UBQLN3: variants seen among roughly 807,000 people sequenced by gnomAD.
The protein encoded by UBQLN3 is ubiquilin 3.
In UBQLN3, 1 loss-of-function variant was observed where a neutral mutation model predicts 2.9. The ratio of observed to expected loss-of-function variants is 0.35; its 90% CI spans 0.12 to 1.66. The LOEUF (loss-of-function observed/expected upper bound fraction) is 1.66. Among genes scored for constraint, UBQLN3 ranks in the 40% most tolerant of loss-of-function variants. UBQLN3 has a pLI of 0.35. For missense variants in UBQLN3, 924 were observed against 816.5 expected (o/e 1.13, Z -1.61); for synonymous variants, 358 against 317.6 (o/e 1.13, Z -1.35).
chr11:5,509,117 G>A lies in UBQLN3; in HGVS notation c.442C>T (p.Arg148Cys), dbSNP rs769845550. 27 of 1,614,056 alleles carry A rather than the reference G, an allele frequency of 1.7e-5. No individual in the cohort carries two copies. Among genetic ancestry groups the A allele is most frequent in the African/African-American group, 2.7e-5 (2 of 74,938 alleles). ...TGLSRLGLAY[R>C]GFPDQPSSLM... ...GAGCTTGGCTGGTCAGGGAAGCCAC[G>A]ATAGGCCAAGCCCAGCCTACTGAGG... The change falls in exon 2 of 2, where the codon CGT (arginine) becomes TGT (cysteine). Residue 148 changes from arginine (R) to cysteine (C), a missense_variant. Transcript: ENST00000311659.
chr11:5,507,846 A>T lies in UBQLN3; in HGVS notation c.1713T>A (p.Pro571=). ...ACACCTCAGGAGGTGGATTTGGGAG[A>T]GGATCCTCAGACATAAGGGGATCTT... ...SREDPLMSED[P]LPNPPPEVFP... is the part of the protein sequence containing the mutation. Residue 571 remains proline (P), a synonymous_variant, in exon 2 of 2, where the codon CCT becomes CCA. Coordinates refer to ENST00000311659, the MANE Select transcript of UBQLN3 (RefSeq NM_017481.4). 1 of 1,613,886 alleles carries T rather than the reference A, an allele frequency of 6.2e-7. No individual in the cohort carries two copies. The highest frequency in any genetic ancestry group is 1.1e-5 in the South Asian group (1 of 91,080).
At position 5,507,784 on chromosome 11, in the gene UBQLN3, G is replaced by C; in HGVS notation, c.1775C>G (p.Ser592Cys). Residue 592 changes from serine to cysteine, a missense_variant, in exon 2 of 2, where the codon TCC becomes TGC. By Grantham distance (112) the Ser-to-Cys change is moderately radical (BLOSUM62 -1). Transcript: ENST00000311659. ...ALDSAELGFLSPPFLHMLQDL... is the reference protein window; with the variant it reads ...ALDSAELGFLCPPFLHMLQDL... Reference sequence around the variant, plus strand: ...TTGCAGCATATGGAGAAAGGGAGGGGAAAGGAAGCCCAGCTCTGCAGAGTC... The same window carrying C: ...TTGCAGCATATGGAGAAAGGGAGGGCAAAGGAAGCCCAGCTCTGCAGAGTC... The C allele has an allele frequency of 6.2e-7, 1 of 1,614,062 alleles. No individual in the cohort carries two copies. The highest frequency in any genetic ancestry group is 1.3e-5 in the African/African-American group (1 of 75,032).
At position 5,507,698 on chromosome 11, in the gene UBQLN3, C is replaced by T; in HGVS notation, c.1861G>A (p.Glu621Lys). 6.2e-7 allele frequency: 1 copy of T among 1,614,064 alleles called. No homozygotes were observed. Among genetic ancestry groups the T allele is most frequent in the Non-Finnish European group, 8.5e-7 (1 of 1,180,000 alleles). Reference protein sequence around the residue: ...QPEAHFQVQLEQLRSMGFLNR... With the variant: ...QPEAHFQVQLKQLRSMGFLNR... ...AGAAAGCCCATGGACCGCAGTTGCT[C>T]CAGCTGCACCTGAAAGTGAGCCTCA... The change falls in exon 2 of 2, where the codon GAG becomes AAG. Residue 621 changes from glutamate (E) to lysine (K), a missense_variant. Glu to Lys is a moderately conservative substitution (Grantham distance 56). Coordinates refer to ENST00000311659, the MANE Select transcript of UBQLN3 (RefSeq NM_017481.4).
chr11:5,507,508 G>T lies in UBQLN3; in HGVS notation c.*83C>A, dbSNP rs1012526009. The T allele has an allele frequency of 2.0e-6, 3 of 1,515,074 alleles. No homozygotes were observed. The highest frequency in any genetic ancestry group is 2.6e-6 in the Non-Finnish European group (3 of 1,132,936). 93.9% of individuals were successfully genotyped at this position (1,515,074 alleles called of 1,614,324 possible). A position where few individuals can be genotyped will look rare whatever the true frequency, so the allele number is the denominator to read the frequency against. On this transcript the variant is annotated 3_prime_UTR_variant, in exon 2 of 2. Coordinates refer to ENST00000311659, the MANE Select transcript of UBQLN3 (RefSeq NM_017481.4). Reference sequence around the variant, plus strand: ...AGTAAATTTGGTTTATAATGCAGCTGTATTCAAAAATGGGAGAGCTAGGGA... The same window carrying T: ...AGTAAATTTGGTTTATAATGCAGCTTTATTCAAAAATGGGAGAGCTAGGGA...
rs2133824604 is a variant in UBQLN3 at position 5,507,954 on chromosome 11, AG to A, written c.1604del (p.Ala535ValfsTer15). On this transcript the variant is annotated frameshift_variant, in exon 2 of 2. Transcript: ENST00000311659. LOFTEE classifies it low-confidence loss of function (END_TRUNC). ...AGAGTAGGAGGCGAGGTGCTTCAGT[AG>A]CTAGGACCTGTAGACCCTGCTCAAT... is the stretch of plus-strand genomic sequence containing the variant. Reference protein sequence around the residue: ...RQIEQGLQVLATEAPRLLLWF... With the variant: ...RQIEQGLQVLXTEAPRLLLWF... 6.2e-7 allele frequency: 1 copy of A among 1,613,986 alleles called. No individual in the cohort carries two copies. The highest frequency in any genetic ancestry group is 2.2e-5 in the East Asian group (1 of 44,858).
chr11:5,508,839 C>T lies in UBQLN3; in HGVS notation c.720G>A (p.Val240=), dbSNP rs555056278. 1.2e-6 allele frequency: 2 copies of T among 1,614,194 alleles called. No individual in the cohort carries two copies. Among genetic ancestry groups the T allele is most frequent in the Non-Finnish European group, 1.7e-6 (2 of 1,180,048 alleles). Residue 240 remains valine, a synonymous_variant, in exon 2 of 2, where the codon GTG becomes GTA. Coordinates refer to ENST00000311659, the MANE Select transcript of UBQLN3 (RefSeq NM_017481.4). The surrounding 1 kb of genome is among the most constrained non-coding windows in gnomAD (Gnocchi z 4.2). ...MQEMIRSQDR[V]LSNLESIPGG... is the part of the protein sequence containing the mutation. ...CAGGAATGCTCTCCAAGTTACTGAG[C>T]ACCCGGTCCTGGCTACGTATCATCT...
At position 5,507,636 on chromosome 11, in the gene UBQLN3, C is replaced by T. The variant is rs146055311; in HGVS notation, c.1923G>A (p.Thr641=). Residue 641 remains threonine (T), a synonymous_variant, in exon 2 of 2, where the codon ACG becomes ACA. Coordinates refer to ENST00000311659, the MANE Select transcript of UBQLN3 (RefSeq NM_017481.4). ...CCACAGCAGCATCCACGTCGCCCCC[C>T]GTAGCAATGAGGGCCTGAAGATTGG... ...REANLQALIA[T]GGDVDAAVEK... The T allele has an allele frequency of 2.8e-5, 45 of 1,613,582 alleles. No homozygotes were observed. The highest frequency in any genetic ancestry group is 2.7e-4 in the African/African-American group (20 of 75,048).
At position 5,508,134 on chromosome 11, in the gene UBQLN3, G is replaced by A. The variant is rs750669483; in HGVS notation, c.1425C>T (p.Pro475=). Residue 475 remains proline, a synonymous_variant, in exon 2 of 2, where the codon CCC becomes CCT. Transcript: ENST00000311659. The surrounding 1 kb of genome is among the most constrained non-coding windows in gnomAD (Gnocchi z 4.2). ...TAAIPGIPEP[P]WLPSPAYPRS... is the part of the protein sequence containing the mutation. ...TTGGATAAGCCGGGGATGGCAGCCA[G>A]GGAGGCTCAGGGATTCCAGGAATGG... is the stretch of plus-strand genomic sequence containing the variant. 5.0e-6 allele frequency: 8 copies of A among 1,614,100 alleles called. No individual in the cohort carries two copies. The East Asian group carries it at 1.8e-4, about 36-fold the overall frequency.
At position 5,509,443 on chromosome 11, in the gene UBQLN3, T is replaced by C. The variant is rs1488935195; in HGVS notation, c.116A>G (p.Asp39Gly). The C allele has an allele frequency of 1.2e-6, 2 of 1,614,164 alleles. No homozygotes were observed. The highest frequency in any genetic ancestry group is 1.7e-6 in the Non-Finnish European group (2 of 1,179,986). The change falls in exon 2 of 2, where the codon GAC (aspartate) becomes GGC (glycine). Residue 39 changes from aspartate (D) to glycine (G), a missense_variant. Physicochemically the swap from Asp to Gly is moderately conservative, Grantham distance 94. Coordinates refer to ENST00000311659, the MANE Select transcript of UBQLN3 (RefSeq NM_017481.4). ...CTTCAGCTGCTGGATAGTGCATGTG[T>C]CTGTAACTGAGAAATCCTCCTTGTC... ...PKDKEDFSVT[D>G]TCTIQQLKEE... is the part of the protein sequence containing the mutation.
Position 5,508,438 on chromosome 11 carries a change from G to A in UBQLN3, c.1121C>T (p.Pro374Leu), listed in dbSNP as rs1192528084. ...TGGGGGAACTCTGTTTACTGATGGT[G>A]GTGGTTCCTGGCTTTGGCTGAGGGC... ...ASALSQSQEPPPSVNRVPPSS... is the reference protein window; with the variant it reads ...ASALSQSQEPLPSVNRVPPSS... The change falls in exon 2 of 2, where the codon CCA becomes CTA. Residue 374 changes from proline to leucine, a missense_variant. Physicochemically the swap from Pro to Leu is moderately conservative, Grantham distance 98. Coordinates refer to ENST00000311659, the MANE Select transcript of UBQLN3 (RefSeq NM_017481.4). This position sits in a 1 kb window ranked among gnomAD's most constrained non-coding sequence, Gnocchi z 4.2. 6.2e-7 allele frequency: 1 copy of A among 1,606,716 alleles called. No homozygotes were observed. Among genetic ancestry groups the A allele is most frequent in the Middle Eastern group, 1.7e-4 (1 of 6,022 alleles).
chr11:5,508,454 G>A lies in UBQLN3; in HGVS notation c.1105C>T (p.Gln369Ter). 2 of 1,609,258 alleles carry A rather than the reference G, an allele frequency of 1.2e-6. No individual in the cohort carries two copies. The highest frequency in any genetic ancestry group is 8.5e-7 in the Non-Finnish European group (1 of 1,177,566). Residue 369 changes from glutamine (Q) to a stop codon, truncating the protein, a stop_gained, in exon 2 of 2, where the codon CAA becomes TAA. Coordinates refer to ENST00000311659, the MANE Select transcript of UBQLN3 (RefSeq NM_017481.4). LOFTEE classifies it low-confidence loss of function (END_TRUNC). This position sits in a 1 kb window ranked among gnomAD's most constrained non-coding sequence, Gnocchi z 4.2. ...YLQGTASALSQSQEPPPSVNR... is the reference protein window; with the variant it reads ...YLQGTASALS ...ACTGATGGTGGTGGTTCCTGGCTTT[G>A]GCTGAGGGCAGATGCAGTCCCCTGT... is the stretch of plus-strand genomic sequence containing the variant.
At position 5,508,215 on chromosome 11, in the gene UBQLN3, C is replaced by T. The variant is rs559044353; in HGVS notation, c.1344G>A (p.Leu448=). 1 of 1,614,142 alleles carries T rather than the reference C, an allele frequency of 6.2e-7. No homozygotes were observed. The highest frequency in any genetic ancestry group is 2.2e-5 in the East Asian group (1 of 44,868). The change falls in exon 2 of 2, where the codon CTG becomes CTA. Residue 448 remains leucine, a synonymous_variant. Coordinates refer to ENST00000311659, the MANE Select transcript of UBQLN3 (RefSeq NM_017481.4). The surrounding 1 kb of genome is among the most constrained non-coding windows in gnomAD (Gnocchi z 4.2). ...STNLPDLVSG[L]GDSANRVPFA... ...ATGGAACCCTGTTGGCAGAATCTCC[C>T]AGCCCCGAGACAAGATCAGGCAAGT...
Position 5,507,702 on chromosome 11 carries a change from C to G in UBQLN3, c.1857G>C (p.Gln619His). 1 of 1,614,062 alleles carries G rather than the reference C, an allele frequency of 6.2e-7. No homozygotes were observed. Among genetic ancestry groups the G allele is most frequent in the South Asian group, 1.1e-5 (1 of 91,076 alleles). The change falls in exon 2 of 2, where the codon CAG (glutamine) becomes CAC (histidine). Residue 619 changes from glutamine to histidine, a missense_variant. By Grantham distance (24) the Gln-to-His change is conservative. Transcript: ENST00000311659. ...QLQPEAHFQV[Q>H]LEQLRSMGFL... ...AGCCCATGGACCGCAGTTGCTCCAGCTGCACCTGAAAGTGAGCCTCAGGCT... is the reference window on the plus strand; with the variant it reads ...AGCCCATGGACCGCAGTTGCTCCAGGTGCACCTGAAAGTGAGCCTCAGGCT...
In UBQLN3 at chr11:5,509,595, C is replaced by A. The variant is rs377364488; in HGVS notation, c.-36-1G>T. The A allele has an allele frequency of 8.2e-6, 13 of 1,589,032 alleles. No individual in the cohort carries two copies. In the African/African-American group the frequency reaches 1.6e-4, roughly 20 times the overall value. On this transcript the variant is annotated splice_acceptor_variant, in intron 1 of 1. Transcript: ENST00000311659. LOFTEE classifies it low-confidence loss of function (5UTR_SPLICE). ...GAGGCCCAGATCTGTGGGGACACAG[C>A]TAGGGGCATGGGGATTGGAGACCAA...
Position 5,508,375 on chromosome 11 carries a change from G to C in UBQLN3, c.1184C>G (p.Pro395Arg). The C allele has an allele frequency of 6.2e-7, 1 of 1,603,852 alleles. No individual in the cohort carries two copies. The highest frequency in any genetic ancestry group is 8.5e-7 in the Non-Finnish European group (1 of 1,174,880). ...PSSQEPGSGQ[P>R]LPEESVAIKG... ...GATTGCTACTGACTCCTCGGGGAGA[G>C]GCTGGCCTGACCCAGGCTCCTGAGA... is the stretch of plus-strand genomic sequence containing the variant. The change falls in exon 2 of 2, where the codon CCT (proline) becomes CGT (arginine). Residue 395 changes from proline to arginine, a missense_variant. Transcript: ENST00000311659. The surrounding 1 kb of genome is among the most constrained non-coding windows in gnomAD (Gnocchi z 4.2).
rs1846400874 is a variant in UBQLN3, at chr11:5,507,788, G to A, written c.1771C>T (p.Leu591Phe). 2 of 1,613,992 alleles carry A rather than the reference G, an allele frequency of 1.2e-6. No homozygotes were observed. Among genetic ancestry groups the A allele is most frequent in the African/African-American group, 2.7e-5 (2 of 74,944 alleles). ...AGCATATGGAGAAAGGGAGGGGAAA[G>A]GAAGCCCAGCTCTGCAGAGTCCAGT... ...PALDSAELGF[L>F]SPPFLHMLQD... The change falls in exon 2 of 2, where the codon CTT (leucine) becomes TTT (phenylalanine). Residue 591 changes from leucine to phenylalanine, a missense_variant. By Grantham distance (22) the Leu-to-Phe change is conservative. Coordinates refer to ENST00000311659, the MANE Select transcript of UBQLN3 (RefSeq NM_017481.4).
Position 5,507,848 on chromosome 11 carries a change from G to A in UBQLN3, c.1711C>T (p.Pro571Ser). The part of the protein sequence containing the change: ...SREDPLMSED[P>S]LPNPPPEVFP... ...ACCTCAGGAGGTGGATTTGGGAGAG[G>A]ATCCTCAGACATAAGGGGATCTTCT... is the stretch of plus-strand genomic sequence containing the variant. Residue 571 changes from proline (P) to serine (S), a missense_variant, in exon 2 of 2, where the codon CCT becomes TCT. Transcript: ENST00000311659. The A allele has an allele frequency of 1.2e-6, 2 of 1,613,926 alleles. No individual in the cohort carries two copies. Among genetic ancestry groups the A allele is most frequent in the Non-Finnish European group, 1.7e-6 (2 of 1,180,016 alleles).
At position 5,508,399 on chromosome 11, in the gene UBQLN3, G is replaced by A. The variant is rs202058718; in HGVS notation, c.1160C>T (p.Ser387Phe). The change falls in exon 2 of 2, where the codon TCT becomes TTT. Residue 387 changes from serine (S) to phenylalanine (F), a missense_variant. Ser to Phe is a radical substitution (Grantham distance 155). Coordinates refer to ENST00000311659, the MANE Select transcript of UBQLN3 (RefSeq NM_017481.4). This position sits in a 1 kb window ranked among gnomAD's most constrained non-coding sequence, Gnocchi z 4.2. ...VNRVPPSSPS[S>F]QEPGSGQPLP... The stretch of plus-strand genomic sequence containing the variant: ...AGGCTGGCCTGACCCAGGCTCCTGA[G>A]ATGAGGGTGACGATGGGGGAACTCT... The A allele has an allele frequency of 2.7e-5, 44 of 1,602,194 alleles. No homozygotes were observed. In the East Asian group the frequency reaches 6.3e-4, roughly 23 times the overall value.
chr11:5,508,442 G>GT lies in UBQLN3; in HGVS notation c.1116dup (p.Pro373ThrfsTer66). Reference sequence around the variant, plus strand: ...GGAACTCTGTTTACTGATGGTGGTGGTTCCTGGCTTTGGCTGAGGGCAGAT... The same window carrying GT: ...GGAACTCTGTTTACTGATGGTGGTGGTTTCCTGGCTTTGGCTGAGGGCAGAT... On this transcript the variant is annotated frameshift_variant, in exon 2 of 2. Coordinates refer to ENST00000311659, the MANE Select transcript of UBQLN3 (RefSeq NM_017481.4). LOFTEE classifies it low-confidence loss of function (END_TRUNC). The surrounding 1 kb of genome is among the most constrained non-coding windows in gnomAD (Gnocchi z 4.2). 6.2e-7 allele frequency: 1 copy of GT among 1,607,400 alleles called. No homozygotes were observed. Among genetic ancestry groups the GT allele is most frequent in the Non-Finnish European group, 8.5e-7 (1 of 1,176,710 alleles).
Sources: allele counts gnomAD v4.1 joint callset, GRCh38; gene constraint gnomAD v4.1.1; non-coding constraint Gnocchi (gnomAD v3.1); transcripts MANE v1.5; gene names NCBI Gene and HGNC (gene_info 2026-07-23, HGNC 2026-07-21).